NCALD: variants seen among roughly 807,000 people sequenced by gnomAD.
NCALD encodes neurocalcin-delta.
In NCALD, 10 loss-of-function variants were observed where a neutral mutation model predicts 18.6. The observed-to-expected ratio is 0.54, with a 90% CI of 0.33 to 0.91. The LOEUF (loss-of-function observed/expected upper bound fraction) is 0.91, where lower values mean the gene tolerates loss of function less well. Among genes scored for constraint, NCALD ranks in the 40% least tolerant of loss-of-function variants. The probability of loss-of-function intolerance (pLI) is 0.03; values close to 1 mark genes in which losing one functional copy is unlikely to be tolerated. For synonymous variants in NCALD, 88 were observed against 87.4 expected (o/e 1.01, Z -0.04); for missense variants, 184 against 247.6 (o/e 0.74, Z 1.72).
intron 4 of NCALD, among the ~76,000 whole-genome samples, chr8:101,869,558 T>G (rs1032568067): frequency 6.6e-6 from 1 of 152,136 alleles, no homozygotes; most frequent in African/African-American, 2.4e-5. Flanking sequence ...TACAGAAAAC[T>G]AATACAGCTT....
At chr8:102,078,737 A>G (rs963268955) in intron 1 of NCALD, among the ~76,000 whole-genome samples, 1 of 152,148 alleles carries the variant, frequency 6.6e-6, no homozygotes, top group Non-Finnish European at 1.5e-5. Context: ...TCCTTCGACC[A>G]CTTTCTTTAA....
At chr8:102,044,166 T>C (rs536638419) in intron 1 of NCALD, among the ~76,000 whole-genome samples, 1 of 152,124 alleles carries the variant, frequency 6.6e-6, no homozygotes, top group East Asian at 1.9e-4. Context: ...AAAAAGTTCT[T>C]TTTTGAGAAT....
In NCALD at chr8:101,732,646, C is replaced by A. The variant is rs1816892599; in HGVS notation, c.-19-12998G>T. 4.2e-5 allele frequency among the ~76,000 whole-genome samples: 5 copies of A among 118,978 alleles called. No homozygotes were observed. The Admixed American group carries it at 4.5e-4, about 11-fold the overall frequency. 78.1% of individuals were successfully genotyped at this position (118,978 alleles called of 152,430 possible). ...TGAGACAGGGTCTTGCTCTGTCTCC[C>A]AGACTGGAGTGCAGTGGCACGATCT... On this transcript the variant is annotated intron_variant, in intron 1 of 3. Coordinates refer to ENST00000220931, the MANE Select transcript of NCALD (RefSeq NM_032041.3).
At chr8:101,837,680 C>G (rs188583177) in intron 4 of NCALD, among the ~76,000 whole-genome samples, 78 of 152,318 alleles carry the variant, frequency 5.1e-4, no homozygotes, top group Non-Finnish European at 7.1e-4. Context: ...GCCAGCCCTA[C>G]AACCCTACCA....
intron 4 of NCALD, among the ~76,000 whole-genome samples, chr8:101,862,780 T>C (rs1361021137): frequency 1.3e-5 from 2 of 152,238 alleles, no homozygotes; most frequent in Non-Finnish European, 2.9e-5. Flanking sequence ...CTCAGCTCCC[T>C]GGGATGAGTG....
At chr8:102,060,150 T>G (rs1200696509) in intron 1 of NCALD, among the ~76,000 whole-genome samples, 1 of 152,070 alleles carries the variant, frequency 6.6e-6, no homozygotes, top group African/African-American at 2.4e-5. Context: ...CTGGCTAATT[T>G]TTTTGTATTT....
intron 4 of NCALD, among the ~76,000 whole-genome samples, chr8:101,820,424 G>T (rs538867603): frequency 2.0e-5 from 3 of 152,176 alleles, no homozygotes; most frequent in African/African-American, 7.2e-5. Context: ...ATAAATAAAC[G>T]AGTAGATGAA....
intron 3 of NCALD, among the ~76,000 whole-genome samples, chr8:101,903,087 G>A (rs768018194): frequency 6.6e-5 from 10 of 152,198 alleles, no homozygotes; most frequent in Admixed American, 1.3e-4. Flanking sequence ...AGCCCAGCAC[G>A]TGGAGGCAGG....
intron 1 of NCALD, among the ~76,000 whole-genome samples, chr8:101,779,398 G>A (rs1303130448): frequency 6.6e-6 from 1 of 152,110 alleles, no homozygotes; most frequent in African/African-American, 2.4e-5. Context: ...TGCCACATAT[G>A]TACTGAAGAT....
chr8:101,987,013 C>A (rs1360359611), intron 2 of NCALD, among the ~76,000 whole-genome samples: 2 of 152,080 alleles, frequency 1.3e-5, no homozygotes, highest in African/African-American at 4.8e-5. Context: ...TTAAAGGCCA[C>A]CTACACAGAG....
intron 4 of NCALD, among the ~76,000 whole-genome samples, chr8:101,824,306 C>T (rs117779350): frequency 0.015 from 2,355 of 152,218 alleles, 89 homozygotes; most frequent in East Asian, 0.12. Flanking sequence ...GGGCCCAACG[C>T]TGTGTCCATA....
intron 1 of NCALD, among the ~76,000 whole-genome samples, chr8:101,769,685 A>G (rs866439481): frequency 6.6e-6 from 1 of 151,338 alleles, no homozygotes; most frequent in South Asian, 2.1e-4. Flanking sequence ...CTGCAACGGC[A>G]TCTTTCACCA....
intron 2 of NCALD, among the ~76,000 whole-genome samples, chr8:101,929,247 AGGAGGAAGGGAT>A (rs1265828053): frequency 3.7e-5 from 3 of 81,172 alleles, no homozygotes; most frequent in African/African-American, 5.5e-5. Flanking sequence ...GAGGAGGAGG[AGGAGGAAGGGAT>A]GGAGGAAGGG....
chr8:102,102,187 A>T (rs2132417414), intron 1 of NCALD, among the ~76,000 whole-genome samples: 1 of 152,372 alleles, frequency 6.6e-6, no homozygotes, highest in East Asian at 1.9e-4. Context: ...TATATTGAGC[A>T]CCTTTTCAAT....
chr8:101,875,943 C>G (rs1816210361), intron 4 of NCALD, among the ~76,000 whole-genome samples: 1 of 152,170 alleles, frequency 6.6e-6, no homozygotes, highest in South Asian at 2.1e-4. Flanking sequence ...GATTCTTTCT[C>G]TATTGTTTTT....
chr8:102,003,462 C>A (rs949211200), intron 2 of NCALD, among the ~76,000 whole-genome samples: 2 of 152,180 alleles, frequency 1.3e-5, no homozygotes, highest in Non-Finnish European at 2.9e-5. Context: ...CAAGGAGGAG[C>A]AGGTACCATT....
Position 101,790,028 on chromosome 8 carries a change from A to T in NCALD, c.-20+834T>A, listed in dbSNP as rs1331000829. Among the ~76,000 whole-genome samples, 6 of 152,262 alleles carry T rather than the reference A, an allele frequency of 3.9e-5. No individual in the cohort carries two copies. The East Asian group carries it at 1.2e-3, about 29-fold the overall frequency. On this transcript the variant is annotated intron_variant, in intron 1 of 3. Transcript: ENST00000220931. ...CTTCTATCTGTGTTTGAGTTAAAGT[A>T]GAACTTGTGTCAATGATACTTTTCA...
chr8:101,941,486 C>A (rs1818954571), intron 2 of NCALD, among the ~76,000 whole-genome samples: 2 of 152,196 alleles, frequency 1.3e-5, no homozygotes, highest in African/African-American at 2.4e-5. Context: ...GCCCGGGACC[C>A]CTGACACAGA....
intron 1 of NCALD, among the ~76,000 whole-genome samples, chr8:101,764,060 A>G (rs1202196034): frequency 6.6e-6 from 1 of 151,050 alleles, no homozygotes; most frequent in Non-Finnish European, 1.5e-5. Context: ...TAATGCACTG[A>G]GCTTGGGATG....
Sources: allele counts gnomAD v4.1 joint callset (sites outside exome capture counted in the v4.1 genomes callset), GRCh38; gene constraint gnomAD v4.1.1; transcripts MANE v1.5; gene names NCBI Gene and HGNC (gene_info 2026-07-23, HGNC 2026-07-21).